The following RIMS2 variants were observed in gnomAD, a reference collection of about 807,000 sequenced individuals.
RIMS2 encodes regulating synaptic membrane exocytosis 2, also known as regulating synaptic membrane exocytosis protein 2.
RIMS2 carries 59 observed loss-of-function variants against 174.4 expected under a neutral mutation model. That is an observed-to-expected ratio of 0.34 (90% CI 0.27 to 0.42). RIMS2 has a LOEUF of 0.42. RIMS2 is among the 10% of genes least tolerant of loss of function. RIMS2 has a pLI of 1.00. For missense variants in RIMS2, 1,620 were observed against 1,666.3 expected (o/e 0.97, Z 0.48); for synonymous variants, 606 against 572.5 (o/e 1.06, Z -0.84).
chr8:103,898,962 A>G (rs917152467), intron 4 of RIMS2, among the ~76,000 whole-genome samples: 4 of 151,152 alleles, frequency 2.6e-5, no homozygotes, highest in Admixed American at 1.3e-4. Context: ...ATGAGTGAGA[A>G]CATGCAGGGT....
intron 17 of RIMS2, among the ~76,000 whole-genome samples, chr8:104,008,787 C>G (rs1313275076): frequency 6.6e-6 from 1 of 151,830 alleles, no homozygotes; most frequent in Non-Finnish European, 1.5e-5. Context: ...TTGGCTGACT[C>G]TAAATATTGT....
At position 103,613,866 on chromosome 8, in the gene RIMS2, A is replaced by T. The variant is rs114271643; in HGVS notation, c.177-83220A>T. Among the ~76,000 whole-genome samples, 547 of 151,788 alleles carry T rather than the reference A, an allele frequency of 3.6e-3. 3 individuals carry two copies. Among genetic ancestry groups the T allele is most frequent in the African/African-American group, 0.013 (528 of 41,374 alleles). On this transcript the variant is annotated intron_variant, in intron 1 of 23. Transcript: ENST00000504942. ...TAGGGTCAGGAATGGGGGCCTCATG[A>T]CTCTTTTCAGTGCCCTGTCCTGCTG...
At chr8:103,852,320 T>G (rs901299559) in intron 3 of RIMS2, among the ~76,000 whole-genome samples, 5 of 151,906 alleles carry the variant, frequency 3.3e-5, no homozygotes, top group African/African-American at 1.2e-4. Context: ...ATTAATTAAA[T>G]ACATTTTAAA....
At chr8:103,572,254 G>A (rs1355072312) in intron 1 of RIMS2, among the ~76,000 whole-genome samples, 1 of 152,184 alleles carries the variant, frequency 6.6e-6, no homozygotes, top group Non-Finnish European at 1.5e-5. Flanking sequence ...AAGAGCGAAA[G>A]AACAAAGCTT....
chr8:103,839,992 T>C (rs542495269), intron 3 of RIMS2, among the ~76,000 whole-genome samples: 2 of 152,324 alleles, frequency 1.3e-5, no homozygotes, highest in South Asian at 4.1e-4. Context: ...CAGTTCCTAA[T>C]ACTACAGTTG....
chr8:103,831,600 A>G (rs1194582084), intron 3 of RIMS2, among the ~76,000 whole-genome samples: 1 of 152,178 alleles, frequency 6.6e-6, no homozygotes, highest in Non-Finnish European at 1.5e-5. Flanking sequence ...TAATGATATG[A>G]AATCTAATTT....
chr8:103,651,588 A>C (rs764495381), intron 1 of RIMS2, among the ~76,000 whole-genome samples: 1 of 152,190 alleles, frequency 6.6e-6, no homozygotes, highest in African/African-American at 2.4e-5. Context: ...AGTTATTTCT[A>C]TACTATTTAT....
intron 3 of RIMS2, among the ~76,000 whole-genome samples, chr8:103,829,067 T>G (rs12548032): frequency 0.16 from 23,655 of 149,844 alleles, 1,973 homozygotes; most frequent in Middle Eastern, 0.24. Flanking sequence ...TTTTTGGTTC[T>G]ATGTGAATTT....
intron 19 of RIMS2, among the ~76,000 whole-genome samples, chr8:104,102,695 G>A (rs775721379): frequency 4.6e-5 from 7 of 152,060 alleles, no homozygotes; most frequent in African/African-American, 1.7e-4. Context: ...CATCTTACAC[G>A]GCAGCAGTCA....
intron 19 of RIMS2, among the ~76,000 whole-genome samples, chr8:104,015,226 T>C (rs529952926): frequency 6.6e-6 from 1 of 152,338 alleles, no homozygotes; most frequent in Admixed American, 6.5e-5. Flanking sequence ...TAAGATCATT[T>C]TTTAAATGAT....
chr8:103,573,962 A>C (rs1312008195), intron 1 of RIMS2, among the ~76,000 whole-genome samples: 2 of 152,150 alleles, frequency 1.3e-5, no homozygotes, highest in Non-Finnish European at 1.5e-5. Context: ...GGCAAAAACA[A>C]AGGTTTTTAG....
At chr8:104,121,772 A>G (rs1347945297) in intron 19 of RIMS2, among the ~76,000 whole-genome samples, 1 of 151,460 alleles carries the variant, frequency 6.6e-6, no homozygotes, top group African/African-American at 2.4e-5. Context: ...GACCAGCCTG[A>G]CCAACATGGT....
chr8:104,164,239 C>T (rs1473885030), intron 19 of RIMS2, among the ~76,000 whole-genome samples: 1 of 152,106 alleles, frequency 6.6e-6, no homozygotes, highest in Non-Finnish European at 1.5e-5. Context: ...GACTTGCCAT[C>T]AGTCAGAATT....
intron 1 of RIMS2, among the ~76,000 whole-genome samples, chr8:103,595,523 A>T (rs1588545465): frequency 6.6e-6 from 1 of 151,906 alleles, no homozygotes; most frequent in Non-Finnish European, 1.5e-5. Flanking sequence ...TTAGAAAAGG[A>T]TAGACTTACT....
intron 1 of RIMS2, among the ~76,000 whole-genome samples, chr8:103,664,691 G>A (rs1272137026): frequency 2.0e-5 from 3 of 152,144 alleles, no homozygotes; most frequent in African/African-American, 2.4e-5. Flanking sequence ...GTGTAAATTT[G>A]TTCAACCATT....
intron 3 of RIMS2, among the ~76,000 whole-genome samples, chr8:103,842,701 T>C (rs1032265763): frequency 6.6e-6 from 1 of 152,342 alleles, no homozygotes; most frequent in Admixed American, 6.5e-5. Flanking sequence ...TCTTTCATAT[T>C]GTCCTATTTG....
chr8:103,780,123 G>A (rs1388551552), intron 3 of RIMS2, among the ~76,000 whole-genome samples: 1 of 152,064 alleles, frequency 6.6e-6, no homozygotes, highest in Non-Finnish European at 1.5e-5. Context: ...AGATGAATTG[G>A]AGTCCTTTAT....
At chr8:104,133,318 A>G (rs1411059109) in intron 19 of RIMS2, among the ~76,000 whole-genome samples, 1 of 152,168 alleles carries the variant, frequency 6.6e-6, no homozygotes, top group Non-Finnish European at 1.5e-5. Context: ...CAGAGACCAG[A>G]TCTCCAAAAT....
chr8:103,960,809 C>A (rs555237795), intron 14 of RIMS2, among the ~76,000 whole-genome samples: 1 of 152,144 alleles, frequency 6.6e-6, no homozygotes, highest in African/African-American at 2.4e-5. Context: ...AAGCTTTAAA[C>A]CATTTAGGAA....
Sources: allele counts gnomAD v4.1 joint callset (sites outside exome capture counted in the v4.1 genomes callset), GRCh38; gene constraint gnomAD v4.1.1; transcripts MANE v1.5; gene names NCBI Gene and HGNC (gene_info 2026-07-23, HGNC 2026-07-21).